LAMA2: variants seen among roughly 807,000 people sequenced by gnomAD.
The protein encoded by LAMA2 is laminin subunit alpha-2.
In LAMA2, 269 loss-of-function variants were observed where a neutral mutation model predicts 364.8. That is an observed-to-expected ratio of 0.74 (90% CI 0.67 to 0.82). LAMA2 has a LOEUF of 0.82. Ranked by LOEUF, LAMA2 falls within the 40% of genes least tolerant of loss-of-function variation. The pLI, the probability that LAMA2 is intolerant of heterozygous loss-of-function variation, is 0.00. For missense variants in LAMA2, 3,807 were observed against 3,873.2 expected, an observed-to-expected ratio of 0.98 and a Z score of 0.45; for synonymous variants, 1,379 against 1,370.6, an observed-to-expected ratio of 1.01 and a Z score of -0.14.
At chr6:129,296,884 G>A (rs769529803) in intron 20 of LAMA2, among the ~76,000 whole-genome samples, 16 of 151,990 alleles carry the variant, frequency 1.1e-4, no homozygotes, top group East Asian at 1.9e-4. Context: ...ATTTTCTAAC[G>A]TTTCATTTTA....
At position 129,298,560 on chromosome 6, in the gene LAMA2, G is replaced by A. The variant is rs915797250; in HGVS notation, c.3037+695G>A. Among the ~76,000 whole-genome samples the A allele has an allele frequency of 1.4e-4, 21 of 152,188 alleles. No individual in the cohort carries two copies. In the South Asian group the frequency reaches 1.9e-3, roughly 14 times the overall value. On this transcript the variant is annotated intron_variant, in intron 21 of 64. Coordinates refer to ENST00000421865, the MANE Select transcript of LAMA2 (RefSeq NM_000426.4). ...CCTTGATTTATATGCTGCTAATTTC[G>A]AACTGACCCTTATTCCAACAATCAC...
chr6:128,921,713 T>TTTTTTTTTTTTTTTTTTTTTTAA (rs1328311348), intron 1 of LAMA2, among the ~76,000 whole-genome samples: 16 of 144,920 alleles, frequency 1.1e-4, no homozygotes, highest in African/African-American at 3.8e-4. Flanking sequence ...TTTTTTTTTT[T>TTTTTTTTTTTTTTTTTTTTTTAA]ATTATTATTA....
chr6:129,067,110 A>G (rs1789412577), intron 3 of LAMA2, among the ~76,000 whole-genome samples: 1 of 152,240 alleles, frequency 6.6e-6, no homozygotes. Context: ...CCAGGGAAAC[A>G]ATCAACATGG....
intron 48 of LAMA2, among the ~76,000 whole-genome samples, chr6:129,458,034 C>G (rs1264455570): frequency 6.6e-6 from 1 of 152,078 alleles, no homozygotes; most frequent in Non-Finnish European, 1.5e-5. Flanking sequence ...GAGAGGGACA[C>G]AGACATTCAC....
At chr6:129,404,030 C>T (rs558778021) in intron 40 of LAMA2, 71 bp downstream of exon 40, 64 of 1,533,784 alleles carry the variant, frequency 4.2e-5, no homozygotes, top group Admixed American at 1.0e-4. Flanking sequence ...GTAAGTCAGT[C>T]TGGAAAATCC....
chr6:129,218,741 C>T (rs1321296614), intron 12 of LAMA2, among the ~76,000 whole-genome samples: 1 of 152,054 alleles, frequency 6.6e-6, no homozygotes, highest in Non-Finnish European at 1.5e-5. Flanking sequence ...AATTGTGCTT[C>T]TAAAACATTT....
chr6:129,168,422 A>G, intron 9 of LAMA2, among the ~76,000 whole-genome samples: 1 of 152,240 alleles, frequency 6.6e-6, no homozygotes, highest in Non-Finnish European at 1.5e-5. Flanking sequence ...TAAACAGGGA[A>G]TCCTTTCCCC....
rs545901055 is a variant in LAMA2, at chr6:129,081,718, T to A, written c.397-16455T>A. On this transcript the variant is annotated intron_variant, in intron 3 of 64. Transcript: ENST00000421865. Reference sequence around the variant, plus strand: ...ATTTTCCTAAGGAAGAACATTTAACTTCTCTCAGTATTCACAAGGAATACC... The same window carrying A: ...ATTTTCCTAAGGAAGAACATTTAACATCTCTCAGTATTCACAAGGAATACC... Among the ~76,000 whole-genome samples, 4 of 152,318 alleles carry A rather than the reference T, an allele frequency of 2.6e-5. No homozygotes were observed. The South Asian group carries it at 8.3e-4, about 32-fold the overall frequency.
chr6:129,288,548 G>A (rs369594880), intron 19 of LAMA2, among the ~76,000 whole-genome samples: 44 of 152,034 alleles, frequency 2.9e-4, no homozygotes, highest in African/African-American at 8.4e-4. Flanking sequence ...CAATATTTTC[G>A]CACACAGGCA....
chr6:129,373,276 T>A (rs1024672871), intron 34 of LAMA2, among the ~76,000 whole-genome samples: 1 of 152,186 alleles, frequency 6.6e-6, no homozygotes, highest in African/African-American at 2.4e-5. Context: ...CATTTTACAC[T>A]TAGGTCTATA....
At chr6:128,990,845 C>T (rs538802503) in intron 1 of LAMA2, among the ~76,000 whole-genome samples, 22 of 152,090 alleles carry the variant, frequency 1.4e-4, no homozygotes, top group African/African-American at 4.3e-4. Flanking sequence ...ATAAATTATA[C>T]AGTATTATAT....
At chr6:128,907,913 C>T (rs1321641203) in intron 1 of LAMA2, among the ~76,000 whole-genome samples, 1 of 152,012 alleles carries the variant, frequency 6.6e-6, no homozygotes, top group Non-Finnish European at 1.5e-5. Context: ...TTGTCTTTGG[C>T]CCTGTTTATA....
Position 129,464,472 on chromosome 6 carries a change from C to A in LAMA2, c.7155+20C>A, listed in dbSNP as rs750819985. ...GACCTGGTAAAGATCATATGCATAGCAGAGTTTCCGTGACTAAAATGCGTT... is the reference window on the plus strand; with the variant it reads ...GACCTGGTAAAGATCATATGCATAGAAGAGTTTCCGTGACTAAAATGCGTT... On this transcript the variant is annotated intron_variant, in intron 50 of 64. Coordinates refer to ENST00000421865, the MANE Select transcript of LAMA2 (RefSeq NM_000426.4). 6.3e-7 allele frequency: 1 copy of A among 1,599,102 alleles called. No homozygotes were observed. Among genetic ancestry groups the A allele is most frequent in the Non-Finnish European group, 8.6e-7 (1 of 1,166,860 alleles).
At chr6:128,953,191 G>T (rs562394082) in intron 1 of LAMA2, among the ~76,000 whole-genome samples, 3 of 152,126 alleles carry the variant, frequency 2.0e-5, no homozygotes, top group Non-Finnish European at 2.9e-5. Context: ...ATGACAACTG[G>T]AATTGAAGTC....
At chr6:129,285,743 T>G (rs934039134) in intron 18 of LAMA2, among the ~76,000 whole-genome samples, 3 of 152,094 alleles carry the variant, frequency 2.0e-5, no homozygotes, top group African/African-American at 7.2e-5. Flanking sequence ...AAGAATCTCC[T>G]TCTTATCTTT....
Position 129,406,203 on chromosome 6 carries a change from A to G in LAMA2, c.5865+2244A>G, listed in dbSNP as rs183414835. Among the ~76,000 whole-genome samples, 388 of 152,330 alleles carry G rather than the reference A, an allele frequency of 2.5e-3. 2 individuals are homozygous for G. The highest frequency in any genetic ancestry group is 9.1e-3 in the African/African-American group (377 of 41,582). On this transcript the variant is annotated intron_variant, in intron 40 of 64. Coordinates refer to ENST00000421865, the MANE Select transcript of LAMA2 (RefSeq NM_000426.4). ...TAAAAATTTACTTGTCTTCCTATAT[A>G]TAAACACACATAGACAATCAAGAAT...
chr6:129,058,657 G>T (rs917035525), intron 2 of LAMA2, among the ~76,000 whole-genome samples: 21 of 152,186 alleles, frequency 1.4e-4, no homozygotes, highest in Non-Finnish European at 2.9e-5. Context: ...AAATTGGCAA[G>T]TTAAAGACTG....
chr6:129,314,646 T>C lies in LAMA2; in HGVS notation c.3412-9T>C. 1 of 1,613,252 alleles carries C rather than the reference T, an allele frequency of 6.2e-7. No homozygotes were observed. The highest frequency in any genetic ancestry group is 8.5e-7 in the Non-Finnish European group (1 of 1,179,890). ...TTATAAACTCTGAGGGTCTCTTGTCTTTCCTCAGGTGAATGTGGAAGGCAT... is the reference window on the plus strand; with the variant it reads ...TTATAAACTCTGAGGGTCTCTTGTCCTTCCTCAGGTGAATGTGGAAGGCAT... On this transcript the variant is annotated splice_polypyrimidine_tract_variant and intron_variant, in intron 23 of 64. Transcript: ENST00000421865.
chr6:129,464,197 C>G, intron 49 of LAMA2, 93 bp from the exon 50 acceptor site: 1 of 1,102,946 alleles, frequency 9.1e-7, no homozygotes, highest in Non-Finnish European at 1.4e-6. Context: ...TGCCCTACAA[C>G]AGCCTATAGT....
Sources: allele counts gnomAD v4.1 joint callset (sites outside exome capture counted in the v4.1 genomes callset), GRCh38; gene constraint gnomAD v4.1.1; transcripts MANE v1.5; gene names NCBI Gene and HGNC (gene_info 2026-07-23, HGNC 2026-07-21).